Variants in GRID2 observed in about 807,000 individuals in gnomAD.
The protein encoded by GRID2 is glutamate ionotropic receptor delta type subunit 2.
A neutral mutation model predicts 114.8 loss-of-function variants in GRID2; 33 were observed. The observed-to-expected ratio is 0.29, with a 90% CI of 0.22 to 0.38. The LOEUF (loss-of-function observed/expected upper bound fraction) is 0.38. Ranked by LOEUF, GRID2 falls within the 10% of genes least tolerant of loss-of-function variation. The pLI, the probability that GRID2 is intolerant of heterozygous loss-of-function variation, is 1.00. For missense variants in GRID2, 1,184 were observed against 1,257.7 expected (o/e 0.94, Z 0.89); for synonymous variants, 505 against 449.9 (o/e 1.12, Z -1.55).
intron 14 of GRID2, among the ~76,000 whole-genome samples, chr4:93,687,118 A>T (rs1349411922): frequency 6.6e-6 from 1 of 151,946 alleles, no homozygotes; most frequent in Non-Finnish European, 1.5e-5. Context: ...ATATATTTGA[A>T]AATTGATAGC....
intron 14 of GRID2, among the ~76,000 whole-genome samples, chr4:93,649,559 G>A (rs58811894): frequency 0.13 from 19,013 of 152,018 alleles, 1,537 homozygotes; most frequent in East Asian, 0.43. Context: ...TCTATACTCC[G>A]AGTATTTTCT....
At chr4:92,867,304 T>A (rs564874045) in intron 2 of GRID2, among the ~76,000 whole-genome samples, 1 of 152,278 alleles carries the variant, frequency 6.6e-6, no homozygotes, top group Middle Eastern at 3.4e-3. Flanking sequence ...AAAGTGCTAT[T>A]GATTCTCCTT....
At chr4:93,263,513 T>C (rs538622203) in intron 8 of GRID2, among the ~76,000 whole-genome samples, 35 of 152,252 alleles carry the variant, frequency 2.3e-4, no homozygotes, top group African/African-American at 7.9e-4. Flanking sequence ...TGGAAAAATA[T>C]ATCCTTCTCA....
chr4:92,957,058 A>G (rs908438715), intron 2 of GRID2, among the ~76,000 whole-genome samples: 7 of 152,060 alleles, frequency 4.6e-5, no homozygotes, highest in South Asian at 2.1e-4. Flanking sequence ...ATAGCCCTCT[A>G]TCAGATATGT....
intron 1 of GRID2, among the ~76,000 whole-genome samples, chr4:92,456,492 A>ACC (rs1721223457): frequency 6.6e-6 from 1 of 152,288 alleles, no homozygotes; most frequent in Admixed American, 6.5e-5. Context: ...TACTAAATTC[A>ACC]AACCTACAGT....
At chr4:92,808,573 G>A (rs1740523746) in intron 2 of GRID2, among the ~76,000 whole-genome samples, 1 of 152,032 alleles carries the variant, frequency 6.6e-6, no homozygotes. Context: ...TCAAGTCAAA[G>A]TGAACTCATT....
chr4:93,512,308 A>G (rs946565979), intron 12 of GRID2, among the ~76,000 whole-genome samples: 2 of 152,162 alleles, frequency 1.3e-5, no homozygotes, highest in South Asian at 2.1e-4. Context: ...ATGACCTACT[A>G]TATTTCCTTT....
At chr4:92,926,592 T>G (rs1749826094) in intron 2 of GRID2, among the ~76,000 whole-genome samples, 2 of 152,026 alleles carry the variant, frequency 1.3e-5, no homozygotes, top group South Asian at 4.1e-4. Context: ...AATGAGTTAG[T>G]AAATAAATGA....
intron 2 of GRID2, among the ~76,000 whole-genome samples, chr4:92,710,390 T>C (rs1330992715): frequency 4.6e-5 from 7 of 152,218 alleles, no homozygotes; most frequent in Non-Finnish European, 1.5e-5. Context: ...AACCAAAGTC[T>C]TATAATTCAT....
chr4:93,616,342 G>A (rs908459319), intron 13 of GRID2, among the ~76,000 whole-genome samples: 19 of 151,404 alleles, frequency 1.3e-4, no homozygotes, highest in African/African-American at 2.9e-4. Flanking sequence ...CCAGGAGCTC[G>A]AGACCCGCCT....
chr4:93,222,110 G>T (rs1287303384), intron 6 of GRID2, among the ~76,000 whole-genome samples: 4 of 151,986 alleles, frequency 2.6e-5, no homozygotes, highest in Non-Finnish European at 5.9e-5. Flanking sequence ...ACCCAAATAT[G>T]TGCGAGGCTC....
chr4:92,316,479 A>C (rs1725987042), intron 1 of GRID2, among the ~76,000 whole-genome samples: 1 of 152,162 alleles, frequency 6.6e-6, no homozygotes, highest in African/African-American at 2.4e-5. Context: ...CCATTTGCAG[A>C]ACATATCAAT....
chr4:93,601,344 CCTACCCAA>C (rs1739661191), intron 13 of GRID2, among the ~76,000 whole-genome samples: 1 of 152,140 alleles, frequency 6.6e-6, no homozygotes, highest in African/African-American at 2.4e-5. Flanking sequence ...TACATCATAT[CCTACCCAA>C]CATAAATACA....
At chr4:92,376,454 A>T (rs1051089925) in intron 1 of GRID2, among the ~76,000 whole-genome samples, 2 of 152,030 alleles carry the variant, frequency 1.3e-5, no homozygotes, top group African/African-American at 4.8e-5. Flanking sequence ...GGCTGATTTC[A>T]TGGGCTGGCA....
At chr4:93,409,597 G>A (rs936994890) in intron 9 of GRID2, among the ~76,000 whole-genome samples, 1 of 151,956 alleles carries the variant, frequency 6.6e-6, no homozygotes, top group African/African-American at 2.4e-5. Flanking sequence ...AAAGCAACAG[G>A]CACACACACA....
intron 1 of GRID2, among the ~76,000 whole-genome samples, chr4:92,526,946 G>T (rs1378449400): frequency 1.3e-5 from 2 of 151,952 alleles, no homozygotes; most frequent in Non-Finnish European, 2.9e-5. Flanking sequence ...ATAAGTCAAG[G>T]AGCATCTATA....
At chr4:92,326,143 A>T (rs1001848628) in intron 1 of GRID2, among the ~76,000 whole-genome samples, 4 of 151,886 alleles carry the variant, frequency 2.6e-5, no homozygotes, top group Admixed American at 2.0e-4. Flanking sequence ...TTATAAAATT[A>T]AACTAGACTT....
intron 2 of GRID2, among the ~76,000 whole-genome samples, chr4:92,920,964 C>T (rs1052240690): frequency 6.6e-6 from 1 of 152,104 alleles, no homozygotes; most frequent in Non-Finnish European, 1.5e-5. Flanking sequence ...GTTCCATTCT[C>T]CCAGTCACTT....
At chr4:92,821,660 G>A (rs1468735196) in intron 2 of GRID2, among the ~76,000 whole-genome samples, 2 of 152,054 alleles carry the variant, frequency 1.3e-5, no homozygotes, top group Admixed American at 6.6e-5. Context: ...TACAAATTGT[G>A]TTGGAATCTG....
Sources: allele counts gnomAD v4.1 joint callset (sites outside exome capture counted in the v4.1 genomes callset), GRCh38; gene constraint gnomAD v4.1.1; transcripts MANE v1.5; gene names NCBI Gene and HGNC (gene_info 2026-07-23, HGNC 2026-07-21).